ZPBP: variants seen among roughly 807,000 people sequenced by gnomAD.
The protein encoded by ZPBP is zona pellucida binding protein.
A neutral mutation model predicts 44.8 loss-of-function variants in ZPBP; 26 were observed. That is an observed-to-expected ratio of 0.58 (90% confidence interval 0.43 to 0.81). The LOEUF (loss-of-function observed/expected upper bound fraction) is 0.81. Ranked by LOEUF, ZPBP falls within the 30% of genes least tolerant of loss-of-function variation. The pLI is 0.00. For missense variants in ZPBP, 409 were observed against 434.0 expected (o/e 0.94, Z 0.51); for synonymous variants, 174 against 153.2 (o/e 1.14, Z -1.00).
intron 7 of ZPBP, among the ~76,000 whole-genome samples, chr7:49,976,423 A>G (rs1218932201): frequency 6.6e-6 from 1 of 152,114 alleles, no homozygotes; most frequent in Non-Finnish European, 1.5e-5. Context: ...CATCAGGTAT[A>G]GCATTATAAG....
intron 5 of ZPBP, among the ~76,000 whole-genome samples, chr7:50,018,771 T>A (rs1223373277): frequency 6.6e-6 from 1 of 151,948 alleles, no homozygotes; most frequent in Non-Finnish European, 1.5e-5. Context: ...GGAAATGAGG[T>A]TGGATTTTAG....
chr7:50,010,988 A>C (rs1798547806), intron 6 of ZPBP, among the ~76,000 whole-genome samples: 1 of 152,044 alleles, frequency 6.6e-6, no homozygotes, highest in South Asian at 2.1e-4. Context: ...CAGTTGCCAA[A>C]ACAGCATAGT....
At chr7:49,873,944 T>C (rs1433078781) in intron 2 of ZPBP, among the ~76,000 whole-genome samples, 1 of 151,924 alleles carries the variant, frequency 6.6e-6, no homozygotes, top group Non-Finnish European at 1.5e-5. Context: ...GAAACAGTAT[T>C]AGTATGATAC....
chr7:49,928,360 A>G (rs1380598663), intron 1 of ZPBP, among the ~76,000 whole-genome samples: 1 of 152,206 alleles, frequency 6.6e-6, no homozygotes, highest in Non-Finnish European at 1.5e-5. Context: ...GCCTCTGATC[A>G]GTGGGCCAAA....
chr7:49,946,654 C>T (rs1022188075), intron 7 of ZPBP, among the ~76,000 whole-genome samples: 3 of 152,080 alleles, frequency 2.0e-5, no homozygotes, highest in South Asian at 2.1e-4. Context: ...GGGAGGTTGA[C>T]TATTAAATGT....
intron 2 of ZPBP, among the ~76,000 whole-genome samples, chr7:49,878,155 G>A (rs1791521649): frequency 6.6e-6 from 1 of 151,976 alleles, no homozygotes; most frequent in African/African-American, 2.4e-5. Context: ...GCCACACTCA[G>A]GCTTCAGATC....
chr7:49,876,033 C>A (rs1338957723), intron 2 of ZPBP, among the ~76,000 whole-genome samples: 2 of 152,154 alleles, frequency 1.3e-5, no homozygotes, highest in East Asian at 3.9e-4. Context: ...TCTCAAAAAT[C>A]ACTTGACCTG....
chr7:50,008,903 C>G (rs911308642), intron 6 of ZPBP, among the ~76,000 whole-genome samples: 3 of 151,960 alleles, frequency 2.0e-5, no homozygotes, highest in Non-Finnish European at 2.9e-5. Context: ...GGGCCAGGCA[C>G]AGTGCTCATT....
chr7:49,995,035 G>T (rs751131964), intron 6 of ZPBP, among the ~76,000 whole-genome samples: 5 of 152,100 alleles, frequency 3.3e-5, no homozygotes, highest in Non-Finnish European at 7.4e-5. Flanking sequence ...ATCTCAAGAG[G>T]CCTCATACCA....
chr7:49,943,831 A>C (rs1217044969), intron 7 of ZPBP: 1 of 241,328 alleles, frequency 4.1e-6, no homozygotes, highest in East Asian at 1.4e-4. Flanking sequence ...ATTCCTTTGG[A>C]CTGTCCCTTT....
At chr7:49,913,749 T>C (rs2128744126) in intron 1 of ZPBP, 1 of 152,154 alleles carries the variant, frequency 6.6e-6, no homozygotes, top group East Asian at 1.9e-4. Flanking sequence ...AATGAGAAGA[T>C]GGAGAACATG....
In ZPBP at chr7:49,888,851, C is replaced by A. The variant is rs1203671528; in HGVS notation, n.509+12267G>T. On this transcript the variant is annotated intron_variant and non_coding_transcript_variant, in intron 2 of 2. Transcript: ENST00000465922. Reference sequence around the variant, plus strand: ...GCTTGAACTCGGGAGGCGGAGGTTGCAGTGAGCTGAGATCGCACCATCACA... The same window carrying A: ...GCTTGAACTCGGGAGGCGGAGGTTGAAGTGAGCTGAGATCGCACCATCACA... Among the ~76,000 whole-genome samples the A allele has an allele frequency of 3.9e-5, 6 of 152,038 alleles. No individual in the cohort carries two copies. In the East Asian group the frequency reaches 1.2e-3, roughly 29 times the overall value.
intron 1 of ZPBP, 82 bp downstream of exon 1, chr7:50,092,986 G>A (rs1357384753): frequency 2.0e-6 from 3 of 1,533,482 alleles, no homozygotes; most frequent in Non-Finnish European, 8.8e-7. Context: ...ACGGATGCAC[G>A]TGACACAAGA....
the ZPBP span, among the ~76,000 whole-genome samples, chr7:49,843,084 C>G: frequency 1.3e-5 from 2 of 152,148 alleles, no homozygotes; most frequent in Non-Finnish European, 2.9e-5. Context: ...CCTGCTCCAG[C>G]AGTCCCCAGT....
chr7:49,891,220 A>G (rs566368398), intron 2 of ZPBP, among the ~76,000 whole-genome samples: 1 of 152,342 alleles, frequency 6.6e-6, no homozygotes, highest in East Asian at 1.9e-4. Flanking sequence ...CAGAACAGAC[A>G]AAGTAGATTT....
At chr7:50,016,835 T>C (rs1174031521) in intron 6 of ZPBP, among the ~76,000 whole-genome samples, 1 of 152,188 alleles carries the variant, frequency 6.6e-6, no homozygotes, top group African/African-American at 2.4e-5. Flanking sequence ...TTAAGTGCTC[T>C]CTTCATGGTG....
chr7:49,926,529 T>G (rs1220187607), intron 1 of ZPBP, among the ~76,000 whole-genome samples: 2 of 152,180 alleles, frequency 1.3e-5, no homozygotes, highest in African/African-American at 4.8e-5. Context: ...GTCTCCTTCT[T>G]AGGCCTAAGC....
intron 5 of ZPBP, among the ~76,000 whole-genome samples, chr7:50,030,790 G>C (rs1252119228): frequency 6.6e-6 from 1 of 152,082 alleles, no homozygotes; most frequent in Non-Finnish European, 1.5e-5. Context: ...CTTATAATTA[G>C]ATGATTTTAC....
At chr7:49,940,400 A>C (rs185727489) in intron 7 of ZPBP, among the ~76,000 whole-genome samples, 144 of 152,258 alleles carry the variant, frequency 9.5e-4, no homozygotes, top group Admixed American at 2.7e-3. Context: ...CACCAAGGAG[A>C]AAATACAAAT....
Sources: allele counts gnomAD v4.1 joint callset (sites outside exome capture counted in the v4.1 genomes callset), GRCh38; gene constraint gnomAD v4.1.1; transcripts MANE v1.5; gene names NCBI Gene and HGNC (gene_info 2026-07-23, HGNC 2026-07-21).